The following CPNE1 variants were observed in gnomAD, a reference collection of about 807,000 sequenced individuals.
CPNE1 encodes the protein copine 1.
Under a neutral mutation model 63.2 loss-of-function variants are expected in CPNE1, and 58 were observed. The observed-to-expected ratio is 0.92, with a 90% confidence interval of 0.74 to 1.14. CPNE1 has a LOEUF of 1.14. Among genes scored for constraint, CPNE1 ranks in the 50% most tolerant of loss-of-function variants. CPNE1 has a pLI of 0.00. For synonymous variants in CPNE1, 237 were observed against 249.0 expected (o/e 0.95, Z 0.45); for missense variants, 672 against 661.7 (o/e 1.02, Z -0.17).
chr20:35,658,360 C>A (rs1028601709), intron 1 of CPNE1, among the ~76,000 whole-genome samples: 4 of 152,210 alleles, frequency 2.6e-5, no homozygotes, highest in Non-Finnish European at 5.9e-5. Flanking sequence ...TACTGCCTAT[C>A]AGGAAAATCA....
Position 35,631,347 on chromosome 20 carries a change from A to T in CPNE1, c.722T>A (p.Phe241Tyr), listed in dbSNP as rs2032123777. The T allele has an allele frequency of 1.2e-6, 2 of 1,614,112 alleles. No individual in the cohort carries two copies. Among genetic ancestry groups the T allele is most frequent in the Admixed American group, 1.7e-5 (1 of 60,028 alleles). Residue 241 changes from phenylalanine (F) to tyrosine (Y), a missense_variant, in exon 9 of 16, where the codon TTT becomes TAT. Phe to Tyr is a conservative substitution (Grantham distance 22, BLOSUM62 3). Coordinates refer to ENST00000397443, the MANE Select transcript of CPNE1 (RefSeq NM_152925.3). ...LAQLQAVPAEFECIHPEKQQK... is the reference protein window; with the variant it reads ...LAQLQAVPAEYECIHPEKQQK... ...CTGCTTCTCAGGGTGGATGCATTCA[A>T]ACTCAGCCTGGTGAGGACAGAAAAA... is the stretch of plus-strand genomic sequence containing the variant.
In CPNE1 at chr20:35,632,391, GA is replaced by G. The variant is rs2032214355; in HGVS notation, c.310-7del. 1 of 1,613,892 alleles carries G rather than the reference GA, an allele frequency of 6.2e-7. No individual in the cohort carries two copies. The highest frequency in any genetic ancestry group is 8.5e-7 in the Non-Finnish European group (1 of 1,179,830). ...AGTACCTGGCTGGACACAATCTGGGGAAAAGCAGGGAAGGGAGTTTCAGGAT... is the reference window on the plus strand; with the variant it reads ...AGTACCTGGCTGGACACAATCTGGGGAAAGCAGGGAAGGGAGTTTCAGGAT... On this transcript the variant is annotated splice_polypyrimidine_tract_variant and splice_region_variant and intron_variant, in intron 3 of 15. Coordinates refer to ENST00000397443, the MANE Select transcript of CPNE1 (RefSeq NM_152925.3).
chr20:35,640,879 AC>A (rs2146307430), intron 1 of CPNE1, among the ~76,000 whole-genome samples: 1 of 152,284 alleles, frequency 6.6e-6, no homozygotes, highest in East Asian at 1.9e-4. Context: ...TTCTAGGAAC[AC>A]CCAACACCAA....
At chr20:35,645,046 A>C in intron 1 of CPNE1, among the ~76,000 whole-genome samples, 1 of 152,180 alleles carries the variant, frequency 6.6e-6, no homozygotes. Context: ...GGGGTGTCTG[A>C]GACAACAGTA....
In CPNE1 at chr20:35,646,252, CAAAAAAAA is replaced by C. The variant is rs549372063; in HGVS notation, c.1-13337_1-13330del. On this transcript the variant is annotated intron_variant, in intron 1 of 15. Transcript: ENST00000397443. ...CCTGGGCAGCAGAGCAAGACCATCTCAAAAAAAAAAAAAAAAAAAAAAAAAAGAAACAA... is the reference window on the plus strand; with the variant it reads ...CCTGGGCAGCAGAGCAAGACCATCTCAAAAAAAAAAAAAAAAAAGAAACAA... Among the ~76,000 whole-genome samples the C allele has an allele frequency of 5.2e-3, 302 of 58,342 alleles. 3 individuals are homozygous for C. In the South Asian group the frequency reaches 0.084, roughly 16 times the overall value. 38.3% of individuals were successfully genotyped at this position (58,342 alleles called of 152,430 possible). A position where few individuals can be genotyped will look rare whatever the true frequency, so the allele number is the denominator to read the frequency against.
chr20:35,661,932 T>C (rs1173572690), intron 1 of CPNE1, among the ~76,000 whole-genome samples: 2 of 152,154 alleles, frequency 1.3e-5, no homozygotes, highest in Non-Finnish European at 2.9e-5. Flanking sequence ...CCTCAGAGAT[T>C]AGCAACAGAG....
At chr20:35,637,547 C>T (rs557080614) in intron 1 of CPNE1, among the ~76,000 whole-genome samples, 1 of 152,270 alleles carries the variant, frequency 6.6e-6, no homozygotes, top group South Asian at 2.1e-4. Flanking sequence ...TCCTGTCATC[C>T]ATGGTTCTAA....
In CPNE1 at chr20:35,626,676, A is replaced by G; in HGVS notation, c.1364T>C (p.Phe455Ser). The G allele has an allele frequency of 6.2e-7, 1 of 1,614,158 alleles. No individual in the cohort carries two copies. Among genetic ancestry groups the G allele is most frequent in the South Asian group, 1.1e-5 (1 of 91,080 alleles). The change falls in exon 15 of 16, where the codon TTT becomes TCT. Residue 455 changes from phenylalanine (F) to serine (S), a missense_variant. Physicochemically the swap from Phe to Ser is radical, Grantham distance 155 (BLOSUM62 -2). Transcript: ENST00000397443. ...AGCGTCCAGCTGCTCCATGGCCTCAAAGTCAGCACCACCCACACCCACAAT... is the reference window on the plus strand; with the variant it reads ...AGCGTCCAGCTGCTCCATGGCCTCAGAGTCAGCACCACCCACACCCACAAT... ...VIIVGVGGAD[F>S]EAMEQLDADG... is the part of the protein sequence containing the mutation.
At chr20:35,629,387 A>C (rs6060518) in intron 13 of CPNE1, among the ~76,000 whole-genome samples, 38,113 of 152,128 alleles carry the variant, frequency 0.25, 5,462 homozygotes, top group African/African-American at 0.4. Flanking sequence ...GTTTGGCCCT[A>C]AACAAAAGGG....
chr20:35,651,226 C>G (rs2033490986), intron 1 of CPNE1: 1 of 152,152 alleles, frequency 6.6e-6, no homozygotes, highest in Non-Finnish European at 1.5e-5. Flanking sequence ...ATAATTAGAG[C>G]CTTGTAAGGC....
At chr20:35,660,904 G>A (rs1267117333) in intron 1 of CPNE1, among the ~76,000 whole-genome samples, 1 of 152,102 alleles carries the variant, frequency 6.6e-6, no homozygotes, top group African/African-American at 2.4e-5. Flanking sequence ...AGCTCAAAGG[G>A]AACTCACCAG....
chr20:35,658,846 T>C (rs887693332), intron 1 of CPNE1: 2 of 667,754 alleles, frequency 3.0e-6, no homozygotes, highest in African/African-American at 1.9e-5. Context: ...CACAATATAG[T>C]TGCTACATAT....
intron 1 of CPNE1, among the ~76,000 whole-genome samples, chr20:35,633,512 C>T (rs1160542339): frequency 6.6e-6 from 1 of 152,176 alleles, no homozygotes; most frequent in Non-Finnish European, 1.5e-5. Flanking sequence ...CTGCTGCTGC[C>T]CAATCTAAGC....
chr20:35,638,043 C>T (rs2146301212), intron 1 of CPNE1, among the ~76,000 whole-genome samples: 1 of 152,338 alleles, frequency 6.6e-6, no homozygotes, highest in East Asian at 1.9e-4. Context: ...TAGTGACTGA[C>T]TTAACATTGA....
chr20:35,660,760 CA>C (rs943628547), intron 1 of CPNE1, among the ~76,000 whole-genome samples: 11 of 152,146 alleles, frequency 7.2e-5, no homozygotes, highest in African/African-American at 2.4e-4. Flanking sequence ...GATTCCAATT[CA>C]AAAGGTCAGG....
At chr20:35,662,161 C>T (rs1048160353) in intron 1 of CPNE1, among the ~76,000 whole-genome samples, 2 of 152,098 alleles carry the variant, frequency 1.3e-5, no homozygotes, top group African/African-American at 4.8e-5. Context: ...ACCTCCATTC[C>T]GTACTCAAAG....
At chr20:35,638,818 T>A (rs1193529291) in intron 1 of CPNE1, among the ~76,000 whole-genome samples, 1 of 152,224 alleles carries the variant, frequency 6.6e-6, no homozygotes, top group African/African-American at 2.4e-5. Flanking sequence ...TTAGTATCTG[T>A]AACATGAATA....
intron 1 of CPNE1, among the ~76,000 whole-genome samples, chr20:35,643,641 G>C (rs1391448018): frequency 1.3e-5 from 2 of 152,068 alleles, no homozygotes; most frequent in African/African-American, 4.8e-5. Context: ...TACTTGGCAG[G>C]CTGAGGCAGG....
At chr20:35,656,824 A>AAT (rs2033927719) in intron 1 of CPNE1, among the ~76,000 whole-genome samples, 1 of 152,234 alleles carries the variant, frequency 6.6e-6, no homozygotes, top group African/African-American at 2.4e-5. Context: ...TCAACTTTTA[A>AAT]ATATAAGCCC....
Sources: gnomAD v4.1 joint callset for allele counts (sites outside exome capture counted in the v4.1 genomes callset) on GRCh38, gnomAD v4.1.1 for gene constraint, MANE v1.5 for transcripts, NCBI Gene and HGNC (gene_info 2026-07-23, HGNC 2026-07-21) for gene names.